EPS8: variants seen among roughly 807,000 people sequenced by gnomAD.
EPS8 encodes the protein epidermal growth factor receptor kinase substrate 8.
Under a neutral mutation model 103.8 loss-of-function variants are expected in EPS8, and 42 were observed. That is an observed-to-expected ratio of 0.40 (90% CI 0.32 to 0.52). The LOEUF (loss-of-function observed/expected upper bound fraction) is 0.52. Ranked by LOEUF, EPS8 falls within the 20% of genes least tolerant of loss-of-function variation. The probability of loss-of-function intolerance (pLI) is 0.40; values close to 1 mark genes in which losing one functional copy is unlikely to be tolerated. For missense variants in EPS8, 969 were observed against 1,005.1 expected, an observed-to-expected ratio of 0.96 and a Z score of 0.49; for synonymous variants, 344 against 344.6, an observed-to-expected ratio of 1.00 and a Z score of 0.02.
rs982294471 is a variant in EPS8, at chr12:15,721,019, T to C, written c.-21-38047A>G. Among the ~76,000 whole-genome samples the C allele has an allele frequency of 2.0e-5, 3 of 152,240 alleles. No individual in the cohort carries two copies. The highest frequency in any genetic ancestry group is 2.9e-5 in the Non-Finnish European group (2 of 68,046). ...TACAGTTGGTGATGTTGCATGTCAT[T>C]TATTTTTGCCCTGTCTGTCCCATTA... is the stretch of plus-strand genomic sequence containing the variant. On this transcript the variant is annotated intron_variant, in intron 1 of 20. Coordinates refer to ENST00000281172, the MANE Select transcript of EPS8 (RefSeq NM_004447.6). The surrounding 1 kb of genome is among the most constrained non-coding windows in gnomAD (Gnocchi z 4.4).
chr12:15,728,508 T>C lies in EPS8; in HGVS notation c.-21-45536A>G, dbSNP rs1318294132. On this transcript the variant is annotated intron_variant, in intron 1 of 20. Transcript: ENST00000281172. This position sits in a 1 kb window ranked among gnomAD's most constrained non-coding sequence, Gnocchi z 4.5. The stretch of plus-strand genomic sequence containing the variant: ...TGTTACACAAACACAGCAACAATAA[T>C]AAGGAACACTCTCCCGGGTGCTGAG... 6.6e-6 allele frequency among the ~76,000 whole-genome samples: 1 copy of C among 152,122 alleles called. No individual in the cohort carries two copies. Among genetic ancestry groups the C allele is most frequent in the Non-Finnish European group, 1.5e-5 (1 of 68,018 alleles).
rs184561208 is a variant in EPS8 at position 15,658,432 on chromosome 12, T to A, written c.1026+65A>T. 32 of 1,103,164 alleles carry A rather than the reference T, an allele frequency of 2.9e-5. No individual in the cohort carries two copies. The East Asian group carries it at 6.8e-4, about 24-fold the overall frequency. 68.3% of individuals were successfully genotyped at this position (1,103,164 alleles called of 1,614,324 possible). A position where few individuals can be genotyped will look rare whatever the true frequency, so the allele number is the denominator to read the frequency against. On this transcript the variant is annotated intron_variant, in intron 11 of 20. Transcript: ENST00000281172. ...TTATTTCTTAATTTAATCAGAAACA[T>A]CCTGACTAGATTTTCACCTTTTCCA...
chr12:15,741,813 T>C (rs796644222), intron 1 of EPS8, among the ~76,000 whole-genome samples: 3 of 152,264 alleles, frequency 2.0e-5, no homozygotes, highest in African/African-American at 7.2e-5. Flanking sequence ...GCTGCACCCA[T>C]TAACTCGTCA....
At chr12:15,640,987 C>G in intron 16 of EPS8, 141 bp from the exon 17 acceptor site, 2 of 679,412 alleles carry the variant, frequency 2.9e-6, no homozygotes, top group East Asian at 5.3e-5. Flanking sequence ...GAATGATTCT[C>G]AGGAATTACA....
chr12:15,699,629 C>A (rs1428698644), intron 1 of EPS8, among the ~76,000 whole-genome samples: 1 of 152,162 alleles, frequency 6.6e-6, no homozygotes, highest in African/African-American at 2.4e-5. Context: ...GTCACACATA[C>A]AACTTTAGTG....
intron 8 of EPS8, among the ~76,000 whole-genome samples, chr12:15,663,872 G>A (rs1945650349): frequency 7.3e-6 from 1 of 137,498 alleles, no homozygotes; most frequent in Non-Finnish European, 1.5e-5. Context: ...AGTAAGCTGA[G>A]ATCGCACCAC....
intron 15 of EPS8, among the ~76,000 whole-genome samples, chr12:15,643,252 T>C (rs1565475045): frequency 1.3e-5 from 2 of 152,164 alleles, no homozygotes; most frequent in Non-Finnish European, 2.9e-5. Context: ...ATAATCACTA[T>C]TAATAATGGA....
intron 17 of EPS8, among the ~76,000 whole-genome samples, chr12:15,637,478 T>C (rs556954859): frequency 1.3e-5 from 2 of 152,308 alleles, no homozygotes; most frequent in East Asian, 1.9e-4. Flanking sequence ...TACAAAAAAA[T>C]GTGCCTCCTT....
chr12:15,746,232 T>C (rs1389803302), intron 1 of EPS8, among the ~76,000 whole-genome samples: 1 of 152,192 alleles, frequency 6.6e-6, no homozygotes, highest in Non-Finnish European at 1.5e-5. Context: ...TATTGCATGC[T>C]AACCAGCTAG....
chr12:15,660,849 A>C, intron 9 of EPS8, 109 bp from the exon 10 acceptor site: 1 of 615,364 alleles, frequency 1.6e-6, no homozygotes, highest in Non-Finnish European at 2.8e-6. Context: ...AGCAGCCCAC[A>C]TGCCAATTTC....
At position 15,771,044 on chromosome 12, in the gene EPS8, T is replaced by C. The variant is rs1212879869; in HGVS notation, c.-22+18117A>G. 6.6e-6 allele frequency among the ~76,000 whole-genome samples: 1 copy of C among 152,084 alleles called. No individual in the cohort carries two copies. Among genetic ancestry groups the C allele is most frequent in the African/African-American group, 2.4e-5 (1 of 41,394 alleles). ...TAACACACATGTATATAAATTACAG[T>C]TCACGAAAGAAAATAAGTGCCTAGG... On this transcript the variant is annotated intron_variant, in intron 1 of 20. Coordinates refer to ENST00000281172, the MANE Select transcript of EPS8 (RefSeq NM_004447.6). This position sits in a 1 kb window ranked among gnomAD's most constrained non-coding sequence, Gnocchi z 4.6.
Position 15,721,388 on chromosome 12 carries a change from TTTCCTAGATGTAATGAGGGAAAGAAA to T in EPS8, c.-21-38442_-21-38417del, listed in dbSNP as rs1350970981. Among the ~76,000 whole-genome samples the T allele has an allele frequency of 6.6e-6, 1 of 152,314 alleles. No individual in the cohort carries two copies. Among genetic ancestry groups the T allele is most frequent in the Middle Eastern group, 3.4e-3 (1 of 292 alleles). On this transcript the variant is annotated intron_variant, in intron 1 of 20. Coordinates refer to ENST00000281172, the MANE Select transcript of EPS8 (RefSeq NM_004447.6). The surrounding 1 kb of genome is among the most constrained non-coding windows in gnomAD (Gnocchi z 4.4). ...CTCCAGTAGCTCATCTCCAAACTGTTTTCCTAGATGTAATGAGGGAAAGAAAGCAATACTGGAAAAACTACATAATA... is the reference window on the plus strand; with the variant it reads ...CTCCAGTAGCTCATCTCCAAACTGTTGCAATACTGGAAAAACTACATAATA...
chr12:15,728,908 T>C lies in EPS8; in HGVS notation c.-21-45936A>G, dbSNP rs183464603. On this transcript the variant is annotated intron_variant, in intron 1 of 20. Transcript: ENST00000281172. This position sits in a 1 kb window ranked among gnomAD's most constrained non-coding sequence, Gnocchi z 4.5. ...AGAAAATATTTGTAAATCCATCTTT[T>C]TTAAAAACATTTCTTGTAAGGCACT... Among the ~76,000 whole-genome samples the C allele has an allele frequency of 6.6e-5, 10 of 152,200 alleles. No individual in the cohort carries two copies. The East Asian group carries it at 1.9e-3, about 29-fold the overall frequency.
At chr12:15,675,339 A>T (rs1328435445) in intron 3 of EPS8, among the ~76,000 whole-genome samples, 1 of 152,198 alleles carries the variant, frequency 6.6e-6, no homozygotes, top group Non-Finnish European at 1.5e-5. Flanking sequence ...GGTGGCTCAC[A>T]CCTGTAATCC....
In EPS8 at chr12:15,672,508, C is replaced by T. The variant is rs1020556302; in HGVS notation, c.137-1585G>A. The T allele has an allele frequency of 1.0e-5, 4 of 398,164 alleles. No individual in the cohort carries two copies. The East Asian group carries it at 1.4e-4, about 14-fold the overall frequency. The allele number at this position is 398,164 out of a possible 1,614,324, so 24.7% of individuals were successfully genotyped here. A position where few individuals can be genotyped will look rare whatever the true frequency, so the allele number is the denominator to read the frequency against. On this transcript the variant is annotated intron_variant, in intron 3 of 20. Coordinates refer to ENST00000281172, the MANE Select transcript of EPS8 (RefSeq NM_004447.6). ...AGGAAGTATGATCCATCTGGTCCTA[C>T]CAAAATAATGTCATCAAAAAGAAAG...
chr12:15,717,671 T>C lies in EPS8; in HGVS notation c.-21-34699A>G, dbSNP rs145056854. On this transcript the variant is annotated intron_variant, in intron 1 of 20. Coordinates refer to ENST00000281172, the MANE Select transcript of EPS8 (RefSeq NM_004447.6). This position sits in a 1 kb window ranked among gnomAD's most constrained non-coding sequence, Gnocchi z 4.3. ...AATATAAATAGCAGGACCAATATTA[T>C]ACGTTCTTTCCAGAAGTTATTTAGA... Among the ~76,000 whole-genome samples, 671 of 152,348 alleles carry C rather than the reference T, an allele frequency of 4.4e-3. 4 individuals are homozygous for C. The highest frequency in any genetic ancestry group is 0.018 in the South Asian group (86 of 4,828).
rs188538475 is a variant in EPS8, at chr12:15,747,934, C to T, written c.-22+41227G>A. Among the ~76,000 whole-genome samples the T allele has an allele frequency of 8.0e-4, 122 of 152,118 alleles. No individual in the cohort carries two copies. Among genetic ancestry groups the T allele is most frequent in the Non-Finnish European group, 1.1e-3 (77 of 67,982 alleles). The stretch of plus-strand genomic sequence containing the variant: ...ACTCGGGAGTCTGAGGCAGGAGAAT[C>T]GCTTGAACCCGGGAGGCGGAGATTG... On this transcript the variant is annotated intron_variant, in intron 1 of 20. Coordinates refer to ENST00000281172, the MANE Select transcript of EPS8 (RefSeq NM_004447.6). This position sits in a 1 kb window ranked among gnomAD's most constrained non-coding sequence, Gnocchi z 4.4.
At chr12:15,629,213 A>T (rs1420364031) in intron 18 of EPS8, among the ~76,000 whole-genome samples, 1 of 152,192 alleles carries the variant, frequency 6.6e-6, no homozygotes, top group Non-Finnish European at 1.5e-5. Flanking sequence ...CTTTAAAAGT[A>T]TGCAAACTAT....
chr12:15,659,157 A>G (rs955372150), intron 10 of EPS8, among the ~76,000 whole-genome samples: 1 of 152,188 alleles, frequency 6.6e-6, no homozygotes, highest in African/African-American at 2.4e-5. Flanking sequence ...GAAACATGAG[A>G]ATGGAAGGGT....
Sources: gnomAD v4.1 joint callset for allele counts (sites outside exome capture counted in the v4.1 genomes callset) on GRCh38, gnomAD v4.1.1 for gene constraint, Gnocchi (gnomAD v3.1) non-coding constraint, MANE v1.5 for transcripts, NCBI Gene and HGNC (gene_info 2026-07-23, HGNC 2026-07-21) for gene names.